Variants in ADCY5 observed in about 807,000 individuals in gnomAD.
The protein encoded by ADCY5 is adenylate cyclase type 5.
A neutral mutation model predicts 119.7 loss-of-function variants in ADCY5; 30 were observed. The observed-to-expected ratio is 0.25, with a 90% confidence interval of 0.19 to 0.34. The LOEUF (loss-of-function observed/expected upper bound fraction) is 0.34, where lower values mean the gene tolerates loss of function less well. ADCY5 is among the 10% of genes least tolerant of loss of function. ADCY5 has a pLI of 1.00. For missense variants in ADCY5, 1,324 were observed against 1,775.2 expected (o/e 0.75, Z 4.57); for synonymous variants, 753 against 762.2 (o/e 0.99, Z 0.20).
At position 123,282,503 on chromosome 3, in the gene ADCY5, A is replaced by T. The variant is rs1938437965; in HGVS notation, c.*2105T>A. The T allele has an allele frequency of 6.6e-6, 1 of 152,356 alleles. No homozygotes were observed. Among genetic ancestry groups the T allele is most frequent in the Non-Finnish European group, 1.5e-5 (1 of 68,138 alleles). 9.4% of individuals were successfully genotyped at this position (152,356 alleles called of 1,614,324 possible). The stretch of plus-strand genomic sequence containing the variant: ...GTCCCCATGGGGCCGGGAAGCCATG[A>T]CCATGGGAGAACATGGGATGAACTC... On this transcript the variant is annotated 3_prime_UTR_variant, in exon 21 of 21. Coordinates refer to ENST00000462833, the MANE Select transcript of ADCY5 (RefSeq NM_183357.3).
chr3:123,312,910 G>GC (rs1320788514), intron 12 of ADCY5, among the ~76,000 whole-genome samples: 1 of 144,746 alleles, frequency 6.9e-6, no homozygotes, highest in Admixed American at 6.7e-5. Flanking sequence ...AAGCAGGCTG[G>GC]GGGGGGCCTT....
At position 123,303,199 on chromosome 3, in the gene ADCY5, G is replaced by T. The variant is rs1337709095; in HGVS notation, c.2580C>A (p.Asp860Glu). ...FVNMFTCNSR[D>E]LLGCLAQEHN... is the part of the protein sequence containing the mutation. ...GCTCCTGTGCCAAGCAGCCCAGCAG[G>T]TCCCTGGAGTTGCACGTGAACTGGG... The change falls in exon 14 of 21, where the codon GAC becomes GAA. Residue 860 changes from aspartate to glutamate, a missense_variant. By Grantham distance (45) the Asp-to-Glu change is conservative. Coordinates refer to ENST00000462833, the MANE Select transcript of ADCY5 (RefSeq NM_183357.3). 1.9e-6 allele frequency: 3 copies of T among 1,613,382 alleles called. No individual in the cohort carries two copies. In the South Asian group the frequency reaches 3.3e-5, roughly 18 times the overall value.
chr3:123,318,173 A>G (rs1432506085), intron 10 of ADCY5, 56 bp from the exon 11 acceptor site: 1 of 1,414,574 alleles, frequency 7.1e-7, no homozygotes, highest in Non-Finnish European at 9.9e-7. Flanking sequence ...GGTCTGCTCC[A>G]GCCCTGTCAA....
At chr3:123,401,426 G>A (rs1275124205) in intron 1 of ADCY5, among the ~76,000 whole-genome samples, 1 of 152,200 alleles carries the variant, frequency 6.6e-6, no homozygotes, top group Non-Finnish European at 1.5e-5. Context: ...AAATGAGAGG[G>A]AAGGGCCATT....
intron 16 of ADCY5, chr3:123,297,023 T>C (rs1309451735): frequency 2.6e-6 from 4 of 1,535,966 alleles, no homozygotes; most frequent in African/African-American, 2.7e-5. Flanking sequence ...CCAGCTTCCA[T>C]TCTCCTGTGT....
chr3:123,438,835 C>T (rs897743514), intron 1 of ADCY5, among the ~76,000 whole-genome samples: 1 of 152,052 alleles, frequency 6.6e-6, no homozygotes, highest in African/African-American at 2.4e-5. Flanking sequence ...CAGCCTTGAC[C>T]TCCCAGGCTC....
At chr3:123,309,011 A>G (rs982704430) in intron 12 of ADCY5, among the ~76,000 whole-genome samples, 10 of 152,358 alleles carry the variant, frequency 6.6e-5, no homozygotes, top group African/African-American at 2.4e-4. Flanking sequence ...ACTGTCTTCA[A>G]AAAATAAGTT....
chr3:123,387,483 G>A (rs930105293), intron 1 of ADCY5, among the ~76,000 whole-genome samples: 5 of 152,178 alleles, frequency 3.3e-5, no homozygotes, highest in Non-Finnish European at 7.3e-5. Flanking sequence ...AGCACAGCAG[G>A]AGGCTGGGGG....
chr3:123,371,532 AGTACTGTCTCCCAGGGGAAGT>A, intron 1 of ADCY5, among the ~76,000 whole-genome samples: 1 of 152,214 alleles, frequency 6.6e-6, no homozygotes, highest in East Asian at 1.9e-4. Flanking sequence ...GCTTTACCAG[AGTACTGTCTCCCAGGGGAAGT>A]GGCACGCGGC....
At position 123,447,673 on chromosome 3, in the gene ADCY5, G is replaced by A. The variant is rs775951524; in HGVS notation, c.873C>T (p.Ala291=). ...GGCCCATGTGGTCCTGGTGGAAGGC[G>A]GCGCGGTTGCAAAGCACAGCCATGA... ...ILIMAVLCNR[A]AFHQDHMGLA... The change falls in exon 1 of 21, where the codon GCC becomes GCT. Residue 291 remains alanine, a synonymous_variant. Transcript: ENST00000462833. The A allele has an allele frequency of 5.6e-6, 9 of 1,605,974 alleles. No individual in the cohort carries two copies. The highest frequency in any genetic ancestry group is 2.2e-5 in the South Asian group (2 of 90,456).
rs1356072991 is a variant in ADCY5 at position 123,303,154 on chromosome 3, C to G, written c.2625G>C (p.Gln875His). 3 of 1,613,916 alleles carry G rather than the reference C, an allele frequency of 1.9e-6. No homozygotes were observed. The highest frequency in any genetic ancestry group is 1.1e-5 in the South Asian group (1 of 91,090). ...ACTCCGCCACGTGACACGCGTTGAC[C>G]TGGCTCGCGCTGATGTTGTGCTCCT... ...LAQEHNISAS[Q>H]VNACHVAESA... Residue 875 changes from glutamine to histidine, a missense_variant, in exon 14 of 21, where the codon CAG becomes CAC. Around this residue, in one of 6 missense-constraint regions of ADCY5, gnomAD observed 424 missense variants for 546.8 expected, o/e 0.78. Transcript: ENST00000462833.
intron 3 of ADCY5, among the ~76,000 whole-genome samples, chr3:123,337,205 AATGTAAACTCTTTGAGGGAGAGATTTT>A (rs1942065348): frequency 1.3e-5 from 2 of 152,248 alleles, no homozygotes; most frequent in African/African-American, 4.8e-5. Context: ...TTCTCACTCA[AATGTAAACTCTTTGAGGGAGAGATTTT>A]ATCTACTTGA....
chr3:123,382,665 GAC>G (rs1167348799), intron 1 of ADCY5, among the ~76,000 whole-genome samples: 1 of 152,202 alleles, frequency 6.6e-6, no homozygotes, highest in Non-Finnish European at 1.5e-5. Flanking sequence ...AAATAAGCCA[GAC>G]ACAAAAGGAC....
At chr3:123,443,769 G>A (rs899536173) in intron 1 of ADCY5, among the ~76,000 whole-genome samples, 1 of 152,306 alleles carries the variant, frequency 6.6e-6, no homozygotes, top group East Asian at 1.9e-4. Flanking sequence ...CCAAGCTCAC[G>A]GGGACCCATG....
At chr3:123,424,227 C>T (rs556493563) in intron 1 of ADCY5, among the ~76,000 whole-genome samples, 1 of 152,204 alleles carries the variant, frequency 6.6e-6, no homozygotes, top group Non-Finnish European at 1.5e-5. Context: ...GCACACGCTG[C>T]CCCTCCGCTC....
At chr3:123,334,293 C>A (rs779227863) in intron 3 of ADCY5, among the ~76,000 whole-genome samples, 1 of 152,156 alleles carries the variant, frequency 6.6e-6, no homozygotes, top group Non-Finnish European at 1.5e-5. Flanking sequence ...CCAGAGACAG[C>A]GGCGTGGCAG....
At chr3:123,331,054 G>C in intron 4 of ADCY5, 38 bp from the exon 5 acceptor site, 1 of 1,585,594 alleles carries the variant, frequency 6.3e-7, no homozygotes, top group Non-Finnish European at 8.6e-7. Flanking sequence ...AAAAATAGTA[G>C]GAAAGAGAAG....
chr3:123,297,402 A>C lies in ADCY5; in HGVS notation c.2901-20T>G. 3 of 1,613,672 alleles carry C rather than the reference A, an allele frequency of 1.9e-6. No homozygotes were observed. The highest frequency in any genetic ancestry group is 1.6e-4 in the Middle Eastern group (1 of 6,062). On this transcript the variant is annotated intron_variant, in intron 15 of 20. Transcript: ENST00000462833. ...AAGTCTCTGTGAAGAGAGTTGGGGAAGACTGGTCAGGGCCACCCTTCTGCA... is the reference window on the plus strand; with the variant it reads ...AAGTCTCTGTGAAGAGAGTTGGGGACGACTGGTCAGGGCCACCCTTCTGCA...
At chr3:123,327,818 C>A in intron 6 of ADCY5, 59 bp from the exon 7 acceptor site, 1 of 1,589,462 alleles carries the variant, frequency 6.3e-7, no homozygotes, top group Non-Finnish European at 8.6e-7. Context: ...ATAATGTCAG[C>A]CCCCGTGAAA....
Sources: gnomAD v4.1 joint callset for allele counts (sites outside exome capture counted in the v4.1 genomes callset) on GRCh38, gnomAD v4.1.1 for gene constraint, gnomAD v4.1.1 regional missense constraint, MANE v1.5 for transcripts, NCBI Gene and HGNC (gene_info 2026-07-23, HGNC 2026-07-21) for gene names.